SLC10A7: variants seen among roughly 807,000 people sequenced by gnomAD.
SLC10A7 encodes the protein sodium/bile acid cotransporter 7.
SLC10A7 carries 29 observed loss-of-function variants against 43.2 expected under a neutral mutation model. The observed-to-expected ratio is 0.67, with a 90% confidence interval of 0.50 to 0.92. SLC10A7 has a LOEUF of 0.92. Ranked by LOEUF, SLC10A7 falls within the 40% of genes least tolerant of loss-of-function variation. The pLI, the probability that SLC10A7 is intolerant of heterozygous loss-of-function variation, is 0.00. For missense variants in SLC10A7, 295 were observed against 403.2 expected (o/e 0.73, Z 2.30); for synonymous variants, 152 against 144.8 (o/e 1.05, Z -0.35).
At chr4:146,396,763 A>G (rs1012432868) in intron 5 of SLC10A7, among the ~76,000 whole-genome samples, 1 of 151,974 alleles carries the variant, frequency 6.6e-6, no homozygotes, top group African/African-American at 2.4e-5. Flanking sequence ...GTAATTGCAC[A>G]TACACACAAA....
intron 6 of SLC10A7, among the ~76,000 whole-genome samples, chr4:146,311,494 C>A (rs1429047658): frequency 6.6e-6 from 1 of 152,146 alleles, no homozygotes; most frequent in Non-Finnish European, 1.5e-5. Flanking sequence ...GGCATCTCCA[C>A]TATTTGTGTC....
intron 5 of SLC10A7, among the ~76,000 whole-genome samples, chr4:146,392,682 G>A (rs1738528787): frequency 6.6e-6 from 1 of 152,122 alleles, no homozygotes; most frequent in African/African-American, 2.4e-5. Flanking sequence ...CTTAAGAGAT[G>A]AGCCAGACCC....
chr4:146,283,180 T>A lies in SLC10A7; in HGVS notation c.847+12A>T, dbSNP rs1299625708. On this transcript the variant is annotated intron_variant, in intron 10 of 11. Coordinates refer to ENST00000335472, the MANE Select transcript of SLC10A7 (RefSeq NM_001029998.6). ...GGGTAATAGGTGGTTTTTAACTCTG[T>A]GAATCACTTACCCAATGTAAGGGAT... is the stretch of plus-strand genomic sequence containing the variant. 6.2e-7 allele frequency: 1 copy of A among 1,605,884 alleles called. No individual in the cohort carries two copies.
intron 5 of SLC10A7, among the ~76,000 whole-genome samples, chr4:146,441,371 C>T (rs1310126642): frequency 1.3e-5 from 2 of 152,180 alleles, no homozygotes; most frequent in Non-Finnish European, 2.9e-5. Flanking sequence ...ATTTAATAAG[C>T]TTGTTCTCTA....
At chr4:146,304,687 G>A (rs562331131) in intron 7 of SLC10A7, among the ~76,000 whole-genome samples, 3 of 152,192 alleles carry the variant, frequency 2.0e-5, no homozygotes, top group East Asian at 3.9e-4. Flanking sequence ...GTCAATTTTG[G>A]AATAGGTGTG....
chr4:146,283,996 C>G (rs1409435639), intron 9 of SLC10A7, among the ~76,000 whole-genome samples: 1 of 152,072 alleles, frequency 6.6e-6, no homozygotes, highest in Non-Finnish European at 1.5e-5. Context: ...AAAAACCTCA[C>G]TGAGTCAAAA....
intron 5 of SLC10A7, among the ~76,000 whole-genome samples, chr4:146,359,571 G>A (rs1735901406): frequency 6.6e-6 from 1 of 151,910 alleles, no homozygotes; most frequent in Admixed American, 6.6e-5. Context: ...AGTGTAAAGG[G>A]GTGTTAAGGG....
intron 5 of SLC10A7, among the ~76,000 whole-genome samples, chr4:146,393,847 C>A (rs900007814): frequency 3.3e-5 from 5 of 152,152 alleles, no homozygotes; most frequent in African/African-American, 7.2e-5. Flanking sequence ...AATATACAGG[C>A]ACCTACCAAT....
At chr4:146,490,715 C>A in intron 4 of SLC10A7, among the ~76,000 whole-genome samples, 1 of 152,086 alleles carries the variant, frequency 6.6e-6, no homozygotes, top group East Asian at 1.9e-4. Context: ...CTAAAATGGA[C>A]TTGCATGAAG....
chr4:146,303,426 G>A (rs987379914), intron 7 of SLC10A7, among the ~76,000 whole-genome samples: 2 of 147,234 alleles, frequency 1.4e-5, no homozygotes, highest in African/African-American at 2.5e-5. Flanking sequence ...TGCCCAGGCT[G>A]GAGTGCGGTG....
intron 5 of SLC10A7, among the ~76,000 whole-genome samples, chr4:146,423,413 T>C (rs1729098270): frequency 6.6e-6 from 1 of 152,184 alleles, no homozygotes; most frequent in Non-Finnish European, 1.5e-5. Context: ...ATTACAATAA[T>C]AGTTGGTATG....
intron 5 of SLC10A7, among the ~76,000 whole-genome samples, chr4:146,422,868 C>A (rs1436630619): frequency 3.3e-5 from 5 of 152,018 alleles, no homozygotes; most frequent in Non-Finnish European, 7.4e-5. Context: ...GAGGTCTTCC[C>A]AACCGCCCAT....
At chr4:146,428,237 G>T (rs1234229819) in intron 5 of SLC10A7, among the ~76,000 whole-genome samples, 1 of 152,096 alleles carries the variant, frequency 6.6e-6, no homozygotes, top group Non-Finnish European at 1.5e-5. Flanking sequence ...AATCATTTGA[G>T]TAACTATCCT....
intron 6 of SLC10A7, among the ~76,000 whole-genome samples, chr4:146,306,393 T>C (rs1438401916): frequency 2.0e-5 from 3 of 152,120 alleles, no homozygotes; most frequent in Non-Finnish European, 4.4e-5. Flanking sequence ...CATTCCTTTA[T>C]CAAGATAACA....
At chr4:146,399,898 A>G (rs1213976156) in intron 5 of SLC10A7, among the ~76,000 whole-genome samples, 2 of 152,162 alleles carry the variant, frequency 1.3e-5, no homozygotes, top group African/African-American at 4.8e-5. Flanking sequence ...GAAAAAAATC[A>G]GTGTTGAAGA....
chr4:146,332,576 C>T (rs1733610270), intron 5 of SLC10A7, among the ~76,000 whole-genome samples: 2 of 152,168 alleles, frequency 1.3e-5, no homozygotes, highest in South Asian at 4.1e-4. Context: ...GAAGTGCCTG[C>T]TCCTGCTTTG....
intron 6 of SLC10A7, among the ~76,000 whole-genome samples, chr4:146,320,963 G>A (rs1732667203): frequency 6.6e-6 from 1 of 152,048 alleles, no homozygotes; most frequent in Admixed American, 6.6e-5. Context: ...TTTGATTGGA[G>A]CAAGAAAGTG....
At chr4:146,491,152 T>C (rs1182612859) in intron 4 of SLC10A7, among the ~76,000 whole-genome samples, 1 of 152,128 alleles carries the variant, frequency 6.6e-6, no homozygotes, top group African/African-American at 2.4e-5. Flanking sequence ...CCTTGACTGA[T>C]GGGCAAGGCT....
At chr4:146,481,042 G>A (rs1404646307) in intron 4 of SLC10A7, among the ~76,000 whole-genome samples, 1 of 151,998 alleles carries the variant, frequency 6.6e-6, no homozygotes, top group East Asian at 1.9e-4. Flanking sequence ...AGGTGACACC[G>A]CATCCTGCCC....
Sources: allele counts gnomAD v4.1 joint callset (sites outside exome capture counted in the v4.1 genomes callset), GRCh38; gene constraint gnomAD v4.1.1; transcripts MANE v1.5; gene names NCBI Gene and HGNC (gene_info 2026-07-23, HGNC 2026-07-21).